Variants in NKAIN3 observed in about 807,000 individuals in gnomAD.
NKAIN3 encodes sodium/potassium transporting ATPase interacting 3, also known as sodium/potassium-transporting ATPase subunit beta-1-interacting protein 3.
Under a neutral mutation model 30.2 loss-of-function variants are expected in NKAIN3, and 25 were observed. That is an observed-to-expected ratio of 0.83 (90% CI 0.60 to 1.16). The LOEUF (loss-of-function observed/expected upper bound fraction) is 1.16. Among genes scored for constraint, NKAIN3 ranks in the 50% most tolerant of loss-of-function variants. NKAIN3 has a pLI of 0.00. For synonymous variants in NKAIN3, 91 were observed against 89.6 expected (o/e 1.02, Z -0.09); for missense variants, 225 against 254.1 (o/e 0.89, Z 0.78).
intron 6 of NKAIN3, among the ~76,000 whole-genome samples, chr8:62,957,035 A>G (rs1215022648): frequency 1.3e-5 from 2 of 152,228 alleles, no homozygotes; most frequent in Non-Finnish European, 2.9e-5. Flanking sequence ...AAAACTAAGC[A>G]TACTTTTACC....
intron 1 of NKAIN3, among the ~76,000 whole-genome samples, chr8:62,559,963 G>A (rs533811740): frequency 6.6e-6 from 1 of 152,064 alleles, no homozygotes; most frequent in South Asian, 2.1e-4. Context: ...AACAAATTTT[G>A]TCAAGAACAA....
At chr8:62,929,280 A>G (rs1429580162) in intron 5 of NKAIN3, among the ~76,000 whole-genome samples, 1 of 152,210 alleles carries the variant, frequency 6.6e-6, no homozygotes, top group Non-Finnish European at 1.5e-5. Flanking sequence ...ACTGCATTGT[A>G]AATCCCGTAT....
chr8:62,288,353 T>C (rs1048696842), intron 1 of NKAIN3, among the ~76,000 whole-genome samples: 4 of 152,204 alleles, frequency 2.6e-5, no homozygotes, highest in Admixed American at 6.5e-5. Context: ...TAACTCATTA[T>C]TTACATTAGG....
At chr8:62,862,938 T>A (rs1430810932) in intron 4 of NKAIN3, 1 of 406,356 alleles carries the variant, frequency 2.5e-6, no homozygotes, top group African/African-American at 2.0e-5. Flanking sequence ...AGACACAGTT[T>A]TCAGTGTTTT....
chr8:62,533,723 C>T (rs1808558873), intron 1 of NKAIN3, among the ~76,000 whole-genome samples: 1 of 152,166 alleles, frequency 6.6e-6, no homozygotes, highest in Non-Finnish European at 1.5e-5. Flanking sequence ...GAGAAAAAGT[C>T]CCATGTATAA....
chr8:62,622,443 G>C (rs1328932772), intron 3 of NKAIN3, among the ~76,000 whole-genome samples: 1 of 151,930 alleles, frequency 6.6e-6, no homozygotes, highest in Non-Finnish European at 1.5e-5. Flanking sequence ...ATTCTTCCCA[G>C]CATTGGTGTT....
At chr8:62,827,717 A>G (rs1008207177) in intron 4 of NKAIN3, among the ~76,000 whole-genome samples, 2 of 152,194 alleles carry the variant, frequency 1.3e-5, no homozygotes, top group African/African-American at 4.8e-5. Flanking sequence ...AAATAAGAGT[A>G]GACAATACAG....
chr8:62,868,138 G>A lies in NKAIN3; in HGVS notation c.472-50315G>A, dbSNP rs548745502. On this transcript the variant is annotated intron_variant, in intron 4 of 6. Coordinates refer to ENST00000623646, the MANE Select transcript of NKAIN3 (RefSeq NM_001304533.3). ...CATCTTTAAAGGAAAAGAAAGAGAA[G>A]TATGACTGTTAGAAAAGGAAGCAGA... Among the ~76,000 whole-genome samples the A allele has an allele frequency of 5.3e-5, 8 of 152,242 alleles. No homozygotes were observed. The South Asian group carries it at 1.0e-3, about 20-fold the overall frequency.
chr8:62,386,566 A>C (rs1817430329), intron 1 of NKAIN3, among the ~76,000 whole-genome samples: 1 of 152,236 alleles, frequency 6.6e-6, no homozygotes, highest in African/African-American at 2.4e-5. Flanking sequence ...CAAAATAAGC[A>C]ATAAAAATAA....
chr8:62,808,086 T>C (rs1216725620), intron 4 of NKAIN3, among the ~76,000 whole-genome samples: 1 of 152,168 alleles, frequency 6.6e-6, no homozygotes, highest in African/African-American at 2.4e-5. Flanking sequence ...CAATTTTTCA[T>C]GTTAATTTTG....
chr8:62,292,818 A>C (rs1032478482), intron 1 of NKAIN3, among the ~76,000 whole-genome samples: 9 of 152,202 alleles, frequency 5.9e-5, no homozygotes, highest in Non-Finnish European at 2.9e-5. Context: ...TAATATCCTG[A>C]AGAGTGTTTT....
At chr8:62,735,370 CTTTCTTTCTT>C (rs1175788658) in intron 3 of NKAIN3, among the ~76,000 whole-genome samples, 46 of 26,276 alleles carry the variant, frequency 1.8e-3, no homozygotes, top group African/African-American at 2.3e-3. Context: ...TTCTTTCTTT[CTTTCTTTCTT>C]TTTTTTTTTT....
intron 1 of NKAIN3, among the ~76,000 whole-genome samples, chr8:62,442,379 T>C (rs1437545095): frequency 1.3e-5 from 2 of 152,006 alleles, no homozygotes; most frequent in African/African-American, 4.8e-5. Flanking sequence ...TATTGGCATA[T>C]GGATGCACAA....
chr8:62,835,001 G>A (rs756704555), intron 4 of NKAIN3, among the ~76,000 whole-genome samples: 2 of 152,100 alleles, frequency 1.3e-5, no homozygotes, highest in Admixed American at 6.6e-5. Context: ...GAACTGAATA[G>A]AGAACCCAAA....
intron 1 of NKAIN3, among the ~76,000 whole-genome samples, chr8:62,445,237 C>T (rs1563401989): frequency 2.6e-5 from 4 of 152,108 alleles, no homozygotes; most frequent in Admixed American, 1.3e-4. Context: ...AGCCACCACG[C>T]CCAACCTTGA....
chr8:62,593,567 A>G (rs1428018098), intron 3 of NKAIN3, among the ~76,000 whole-genome samples: 1 of 152,062 alleles, frequency 6.6e-6, no homozygotes. Context: ...GAAACAATAC[A>G]AATTATCAAT....
chr8:62,569,328 C>T (rs997849089), intron 1 of NKAIN3, among the ~76,000 whole-genome samples: 4 of 152,078 alleles, frequency 2.6e-5, no homozygotes. Flanking sequence ...AAATATAAAA[C>T]TGTACTTGGC....
intron 1 of NKAIN3, among the ~76,000 whole-genome samples, chr8:62,265,271 A>G (rs978791190): frequency 6.6e-6 from 1 of 152,224 alleles, no homozygotes; most frequent in African/African-American, 2.4e-5. Flanking sequence ...TGACTATTCT[A>G]TAATTAATCT....
chr8:62,672,694 G>T (rs984116250), intron 3 of NKAIN3, among the ~76,000 whole-genome samples: 1 of 152,010 alleles, frequency 6.6e-6, no homozygotes, highest in African/African-American at 2.4e-5. Context: ...CCATTCCTAG[G>T]CTTTATGGCT....
Sources: gnomAD v4.1 joint callset for allele counts (sites outside exome capture counted in the v4.1 genomes callset) on GRCh38, gnomAD v4.1.1 for gene constraint, MANE v1.5 for transcripts, NCBI Gene and HGNC (gene_info 2026-07-23, HGNC 2026-07-21) for gene names.